Variants in SYN2 observed in about 807,000 individuals in gnomAD.
The protein encoded by SYN2 is synapsin II.
A neutral mutation model predicts 50.9 loss-of-function variants in SYN2; 19 were observed. The observed-to-expected ratio is 0.37, with a 90% CI of 0.26 to 0.55. SYN2 has a LOEUF of 0.55. SYN2 is among the 20% of genes least tolerant of loss of function. SYN2 has a pLI of 0.81. For missense variants in SYN2, 587 were observed against 576.4 expected, an observed-to-expected ratio of 1.02 and a Z score of -0.19; for synonymous variants, 255 against 224.9, an observed-to-expected ratio of 1.13 and a Z score of -1.20.
intron 1 of SYN2, 32 bp downstream of exon 1, chr3:12,004,960 C>G (rs527477708): frequency 8.4e-6 from 4 of 476,390 alleles, no homozygotes; most frequent in Non-Finnish European, 1.5e-5. Flanking sequence ...CCTCGGGGGT[C>G]GGGGTCCGCC....
intron 1 of SYN2, among the ~76,000 whole-genome samples, chr3:12,066,282 G>A (rs1695216820): frequency 1.3e-5 from 2 of 152,086 alleles, no homozygotes. Context: ...GGGATTGTGG[G>A]AACTCTGGGC....
At chr3:12,158,730 A>G in intron 5 of SYN2, 1 of 1,609,910 alleles carries the variant, frequency 6.2e-7, no homozygotes, top group Non-Finnish European at 8.5e-7. Flanking sequence ...TGTGCTGCTG[A>G]GGGTGCGCCG....
chr3:12,130,237 C>CGTGTGT (rs34883251), intron 1 of SYN2, among the ~76,000 whole-genome samples: 2 of 149,120 alleles, frequency 1.3e-5, no homozygotes, highest in Non-Finnish European at 3.0e-5. Context: ...TCTCTGTGTG[C>CGTGTGT]GTGTGTGTGT....
At chr3:12,068,855 A>G (rs1695279616) in intron 1 of SYN2, among the ~76,000 whole-genome samples, 1 of 152,178 alleles carries the variant, frequency 6.6e-6, no homozygotes, top group African/African-American at 2.4e-5. Context: ...ACACATCACT[A>G]TCAATTTTAG....
At chr3:12,143,373 A>G (rs976711255) in intron 3 of SYN2, among the ~76,000 whole-genome samples, 3 of 152,158 alleles carry the variant, frequency 2.0e-5, no homozygotes, top group Non-Finnish European at 2.9e-5. Flanking sequence ...TTGGGGTTCT[A>G]GTGTTCCATC....
intron 10 of SYN2, among the ~76,000 whole-genome samples, chr3:12,170,958 C>T (rs1697923852): frequency 6.6e-6 from 1 of 152,188 alleles, no homozygotes; most frequent in African/African-American, 2.4e-5. Flanking sequence ...TTCTCTGGAT[C>T]TCAAGTTTCC....
chr3:12,094,766 G>C (rs1256382586), intron 1 of SYN2, among the ~76,000 whole-genome samples: 1 of 152,182 alleles, frequency 6.6e-6, no homozygotes, highest in Non-Finnish European at 1.5e-5. Context: ...GATTGGTTAT[G>C]ATGCACAAGG....
chr3:12,099,183 T>C (rs898050689), intron 1 of SYN2, among the ~76,000 whole-genome samples: 2 of 152,016 alleles, frequency 1.3e-5, no homozygotes, highest in Admixed American at 6.6e-5. Context: ...AACAAGGAAA[T>C]AGAGGATTTG....
At chr3:12,160,716 G>A (rs545610856) in intron 5 of SYN2, among the ~76,000 whole-genome samples, 12 of 152,344 alleles carry the variant, frequency 7.9e-5, no homozygotes, top group Middle Eastern at 3.4e-3. Flanking sequence ...TAGAAAGTCC[G>A]TGGCAGAAGA....
intron 1 of SYN2, among the ~76,000 whole-genome samples, chr3:12,035,770 T>C (rs1290407566): frequency 6.6e-6 from 1 of 152,142 alleles, no homozygotes; most frequent in Non-Finnish European, 1.5e-5. Flanking sequence ...GGTTTGTGAG[T>C]GTGGACTTCC....
At chr3:12,095,786 G>T (rs1350401972) in intron 1 of SYN2, among the ~76,000 whole-genome samples, 2 of 151,190 alleles carry the variant, frequency 1.3e-5, no homozygotes, top group African/African-American at 4.9e-5. Flanking sequence ...GCCCTTAGTT[G>T]TTCTCTTTCT....
At chr3:12,091,534 A>G (rs1695828233) in intron 1 of SYN2, among the ~76,000 whole-genome samples, 1 of 152,120 alleles carries the variant, frequency 6.6e-6, no homozygotes, top group South Asian at 2.1e-4. Context: ...ACCCAGAGAC[A>G]GAAAGTGACT....
At chr3:12,071,403 T>A in intron 1 of SYN2, 1 of 544,110 alleles carries the variant, frequency 1.8e-6, no homozygotes, top group Non-Finnish European at 3.7e-6. Flanking sequence ...CTGCATGGGT[T>A]AATTCAGAAG....
In SYN2 at chr3:12,115,602, G is replaced by GAAAAAAA. The variant is rs554524433; in HGVS notation, c.378-25046_378-25045insAAAAAAA. 8.7e-3 allele frequency among the ~76,000 whole-genome samples: 1,329 copies of GAAAAAAA among 152,222 alleles called. 18 individuals are homozygous for GAAAAAAA. Among genetic ancestry groups the GAAAAAAA allele is most frequent in the African/African-American group, 0.03 (1,266 of 41,536 alleles). The stretch of plus-strand genomic sequence containing the variant: ...TAATAAGCTATCATAGGGTTCTTCT[G>GAAAAAAA]AAACCAGTTCCTTAGAAAAGGTGTG... On this transcript the variant is annotated intron_variant, in intron 1 of 12. Transcript: ENST00000621198.
intron 11 of SYN2, chr3:12,184,289 G>A: frequency 4.1e-6 from 4 of 985,830 alleles, no homozygotes; most frequent in Non-Finnish European, 4.8e-6. Flanking sequence ...GATCTCAGTT[G>A]TTTCTTCATT....
intron 1 of SYN2, among the ~76,000 whole-genome samples, chr3:12,021,978 A>G (rs1666237677): frequency 6.6e-6 from 1 of 152,052 alleles, no homozygotes; most frequent in Non-Finnish European, 1.5e-5. Flanking sequence ...GTTGAGGCAC[A>G]AGAATCCCTT....
chr3:12,098,994 G>T (rs986215095), intron 1 of SYN2, among the ~76,000 whole-genome samples: 1 of 151,434 alleles, frequency 6.6e-6, no homozygotes, highest in African/African-American at 2.4e-5. Flanking sequence ...ATTGATAAAA[G>T]ATCACTCTAT....
At chr3:12,100,154 G>A (rs1002272981) in intron 1 of SYN2, among the ~76,000 whole-genome samples, 1 of 151,922 alleles carries the variant, frequency 6.6e-6, no homozygotes, top group Non-Finnish European at 1.5e-5. Context: ...AAAATCATAT[G>A]GAAATCCTAG....
chr3:12,138,309 C>T (rs929058318), intron 1 of SYN2, among the ~76,000 whole-genome samples: 3 of 152,146 alleles, frequency 2.0e-5, no homozygotes, highest in Non-Finnish European at 4.4e-5. Flanking sequence ...GACAAATTAC[C>T]TTAAGGAAAA....
Sources: allele counts gnomAD v4.1 joint callset (sites outside exome capture counted in the v4.1 genomes callset), GRCh38; gene constraint gnomAD v4.1.1; transcripts MANE v1.5; gene names NCBI Gene and HGNC (gene_info 2026-07-23, HGNC 2026-07-21).